Variants in PRKCE observed in about 807,000 individuals in gnomAD.
PRKCE encodes protein kinase C epsilon, also known as protein kinase C epsilon type.
PRKCE carries 16 observed loss-of-function variants against 85.4 expected under a neutral mutation model. That is an observed-to-expected ratio of 0.19 (90% CI 0.13 to 0.28). The LOEUF (loss-of-function observed/expected upper bound fraction) is 0.28, where lower values mean the gene tolerates loss of function less well. PRKCE is among the 10% of genes least tolerant of loss of function. PRKCE has a pLI of 1.00. For missense variants in PRKCE, 573 were observed against 975.2 expected (o/e 0.59, Z 5.49); for synonymous variants, 388 against 371.5 (o/e 1.04, Z -0.51).
At chr2:45,822,470 G>A (rs1689613359) in intron 1 of PRKCE, among the ~76,000 whole-genome samples, 1 of 152,256 alleles carries the variant, frequency 6.6e-6, no homozygotes, top group East Asian at 1.9e-4. Context: ...CAGGGTCGTG[G>A]CTGTCTGCAG....
chr2:45,719,742 C>A (rs1053073143), intron 1 of PRKCE, among the ~76,000 whole-genome samples: 1 of 151,996 alleles, frequency 6.6e-6, no homozygotes, highest in Non-Finnish European at 1.5e-5. Context: ...AAATCATAAC[C>A]CTCCTCCCCA....
intron 11 of PRKCE, among the ~76,000 whole-genome samples, chr2:46,091,339 A>T (rs982087780): frequency 2.6e-5 from 4 of 152,216 alleles, no homozygotes; most frequent in Non-Finnish European, 4.4e-5. Flanking sequence ...CCTCCTCAAC[A>T]TGCTGCTCAG....
chr2:45,890,209 A>G (rs1695618798), intron 2 of PRKCE, among the ~76,000 whole-genome samples: 1 of 152,252 alleles, frequency 6.6e-6, no homozygotes, highest in Non-Finnish European at 1.5e-5. Context: ...AAAAGCAGAA[A>G]GAATAATGTA....
Position 45,978,951 on chromosome 2 carries a change from A to T in PRKCE, c.573-25A>T, listed in dbSNP as rs10194507. On this transcript the variant is annotated intron_variant, in intron 3 of 14. Coordinates refer to ENST00000306156, the MANE Select transcript of PRKCE (RefSeq NM_005400.3). The stretch of plus-strand genomic sequence containing the variant: ...GACCTGGTAAGATTTCACTTTTTTT[A>T]AAAAAATGTTATTCTTCTTTTCAGG... 11,855 of 1,595,202 alleles carry T rather than the reference A, an allele frequency of 7.4e-3. 440 individuals are homozygous for T. The South Asian group carries it at 0.078, about 11-fold the overall frequency.
intron 10 of PRKCE, among the ~76,000 whole-genome samples, chr2:46,051,954 A>G (rs1708885078): frequency 6.6e-6 from 1 of 152,174 alleles, no homozygotes. Context: ...AGTCACTATC[A>G]CAAGAACAGC....
intron 5 of PRKCE, among the ~76,000 whole-genome samples, chr2:45,983,717 T>C (rs1258684156): frequency 6.6e-6 from 1 of 152,112 alleles, no homozygotes; most frequent in East Asian, 1.9e-4. Context: ...TAATGGTGCC[T>C]GGTGTGTGGT....
intron 2 of PRKCE, among the ~76,000 whole-genome samples, chr2:45,903,881 G>GTTTTTTTTTTTTTT (rs34124689): frequency 1.7e-5 from 2 of 117,202 alleles, no homozygotes; most frequent in Non-Finnish European, 3.5e-5. Flanking sequence ...TAGCCTGGCA[G>GTTTTTTTTTTTTTT]TTTTTTTTTG....
intron 1 of PRKCE, among the ~76,000 whole-genome samples, chr2:45,783,382 AC>A (rs1174724614): frequency 6.6e-6 from 1 of 151,900 alleles, no homozygotes; most frequent in African/African-American, 2.4e-5. Context: ...ATAGACCCCC[AC>A]CCACCGAAGG....
At chr2:45,784,079 G>T (rs907616083) in intron 1 of PRKCE, among the ~76,000 whole-genome samples, 1 of 152,374 alleles carries the variant, frequency 6.6e-6, no homozygotes, top group Non-Finnish European at 1.5e-5. Flanking sequence ...CTGTGCTGGC[G>T]CTCAAGGACC....
chr2:45,802,842 T>C (rs888269474), intron 1 of PRKCE, among the ~76,000 whole-genome samples: 3 of 152,226 alleles, frequency 2.0e-5, no homozygotes, highest in African/African-American at 7.2e-5. Flanking sequence ...ATGCACTAAA[T>C]CATATGGTGC....
intron 2 of PRKCE, among the ~76,000 whole-genome samples, chr2:45,972,978 G>C (rs1453773002): frequency 2.6e-5 from 4 of 152,192 alleles, no homozygotes; most frequent in African/African-American, 9.6e-5. Context: ...AAAGATGGAA[G>C]CATCACATTT....
At chr2:45,802,844 A>G (rs1687971810) in intron 1 of PRKCE, among the ~76,000 whole-genome samples, 1 of 152,244 alleles carries the variant, frequency 6.6e-6, no homozygotes, top group African/African-American at 2.4e-5. Flanking sequence ...GCACTAAATC[A>G]TATGGTGCTT....
At chr2:45,751,069 C>A (rs1683520411) in intron 1 of PRKCE, among the ~76,000 whole-genome samples, 1 of 152,206 alleles carries the variant, frequency 6.6e-6, no homozygotes. Context: ...CGCTCTGGAC[C>A]ACCTTTGGTT....
chr2:45,979,647 G>T (rs532850168), intron 4 of PRKCE, among the ~76,000 whole-genome samples: 1 of 152,148 alleles, frequency 6.6e-6, no homozygotes, highest in African/African-American at 2.4e-5. Flanking sequence ...CTGTCTCCTC[G>T]CCAAGCACTG....
At chr2:45,839,013 T>C (rs912902109) in intron 1 of PRKCE, among the ~76,000 whole-genome samples, 1 of 152,058 alleles carries the variant, frequency 6.6e-6, no homozygotes, top group African/African-American at 2.4e-5. Flanking sequence ...AGCAGCCCCA[T>C]TTCACTGACA....
At chr2:45,964,087 C>A (rs1701570700) in intron 2 of PRKCE, among the ~76,000 whole-genome samples, 1 of 152,178 alleles carries the variant, frequency 6.6e-6, no homozygotes, top group Non-Finnish European at 1.5e-5. Flanking sequence ...GTGGGTTTTT[C>A]AATAAATAAC....
At chr2:46,101,086 C>G (rs1000890064) in intron 11 of PRKCE, among the ~76,000 whole-genome samples, 1 of 152,116 alleles carries the variant, frequency 6.6e-6, no homozygotes, top group Non-Finnish European at 1.5e-5. Context: ...GCCAGCTAGT[C>G]TCAAACTCCT....
intron 2 of PRKCE, among the ~76,000 whole-genome samples, chr2:45,878,095 C>T (rs1056155897): frequency 2.0e-5 from 3 of 152,270 alleles, no homozygotes; most frequent in Non-Finnish European, 2.9e-5. Flanking sequence ...TCCTTGGCTG[C>T]AGCACCTGAT....
At chr2:46,091,484 G>A (rs1670165273) in intron 11 of PRKCE, among the ~76,000 whole-genome samples, 2 of 152,182 alleles carry the variant, frequency 1.3e-5, no homozygotes, top group Non-Finnish European at 2.9e-5. Context: ...AGGGGCCTGG[G>A]AATGGAGTTG....
Sources: gnomAD v4.1 joint callset for allele counts (sites outside exome capture counted in the v4.1 genomes callset) on GRCh38, gnomAD v4.1.1 for gene constraint, MANE v1.5 for transcripts, NCBI Gene and HGNC (gene_info 2026-07-23, HGNC 2026-07-21) for gene names.